The following DAB1 variants were observed in gnomAD, a reference collection of about 807,000 sequenced individuals.
The protein encoded by DAB1 is DAB adaptor protein 1, also known as disabled homolog 1.
DAB1 carries 15 observed loss-of-function variants against 64.6 expected under a neutral mutation model. That is an observed-to-expected ratio of 0.23 (90% CI 0.16 to 0.36). DAB1 has a LOEUF of 0.36. Among genes scored for constraint, DAB1 ranks in the 10% least tolerant of loss-of-function variants. The pLI, the probability that DAB1 is intolerant of heterozygous loss-of-function variation, is 1.00. For missense variants in DAB1, 596 were observed against 706.7 expected, an observed-to-expected ratio of 0.84 and a Z score of 1.78; for synonymous variants, 235 against 251.9, an observed-to-expected ratio of 0.93 and a Z score of 0.64.
chr1:58,019,197 A>G (rs1188003), intron 5 of DAB1, among the ~76,000 whole-genome samples: 66,026 of 152,028 alleles, frequency 0.43, 14,970 homozygotes, highest in East Asian at 0.64. Context: ...ATGAAGGGTG[A>G]TTCAGACTAC....
At chr1:57,301,158 G>C (rs1673616708) in intron 1 of DAB1, among the ~76,000 whole-genome samples, 2 of 152,008 alleles carry the variant, frequency 1.3e-5, no homozygotes, top group Admixed American at 1.3e-4. Context: ...TAAATCACAG[G>C]TTCTGTCAAT....
At chr1:57,432,662 T>A (rs1210893067) in intron 7 of DAB1, among the ~76,000 whole-genome samples, 1 of 152,202 alleles carries the variant, frequency 6.6e-6, no homozygotes, top group East Asian at 1.9e-4. Context: ...AGAAGCCAAC[T>A]TCCATTGTTC....
chr1:58,484,794 G>A (rs1645546385), intron 3 of DAB1, among the ~76,000 whole-genome samples: 1 of 152,084 alleles, frequency 6.6e-6, no homozygotes, highest in Non-Finnish European at 1.5e-5. Context: ...ATATTGCTAA[G>A]AGAAAAAAGC....
At chr1:58,488,316 T>C (rs1645612527) in intron 3 of DAB1, among the ~76,000 whole-genome samples, 1 of 152,176 alleles carries the variant, frequency 6.6e-6, no homozygotes, top group African/African-American at 2.4e-5. Context: ...ACCATAACTT[T>C]GTTTTATTTA....
intron 4 of DAB1, among the ~76,000 whole-genome samples, chr1:58,193,474 C>T (rs1156503560): frequency 6.6e-6 from 1 of 152,226 alleles, no homozygotes; most frequent in Admixed American, 6.5e-5. Context: ...TATTCGTCTA[C>T]TATGTGCAAC....
At position 57,651,096 on chromosome 1, in the gene DAB1, T is replaced by C. The variant is rs572736592; in HGVS notation, n.552-1431A>G. On this transcript the variant is annotated intron_variant and non_coding_transcript_variant, in intron 6 of 20. Coordinates refer to the DAB1 transcript ENST00000485760. Reference sequence around the variant, plus strand: ...AAAAGTGATGTTCCATTTGGATTCATAAAAGATACAAGAAGATGGAAAGCA... The same window carrying C: ...AAAAGTGATGTTCCATTTGGATTCACAAAAGATACAAGAAGATGGAAAGCA... 7.3e-5 allele frequency among the ~76,000 whole-genome samples: 11 copies of C among 151,280 alleles called. No homozygotes were observed. In the South Asian group the frequency reaches 1.0e-3, roughly 14 times the overall value.
rs200311292 is a variant in DAB1, at chr1:57,850,487, A to AT, written n.88-24033dup. 7.9e-4 allele frequency among the ~76,000 whole-genome samples: 120 copies of AT among 151,234 alleles called. No homozygotes were observed. In the East Asian group the frequency reaches 0.022, roughly 27 times the overall value. On this transcript the variant is annotated intron_variant and non_coding_transcript_variant, in intron 1 of 1. Coordinates refer to the DAB1 transcript ENST00000477280. ...TTTTTTTAACTGAGAAAATGAAACC[A>AT]TTTATTATATAACTTGATAGCTTAC...
rs1327461797 is a variant in DAB1 at position 58,377,660 on chromosome 1, G to A, written n.258-34257C>T. Among the ~76,000 whole-genome samples the A allele has an allele frequency of 2.9e-5, 4 of 139,496 alleles. 1 individual carries two copies. Among genetic ancestry groups the A allele is most frequent in the Non-Finnish European group, 6.3e-5 (4 of 63,142 alleles). 91.5% of individuals were successfully genotyped at this position (139,496 alleles called of 152,430 possible). Reference sequence around the variant, plus strand: ...GGTGAATCTGACAATTATGTGTCTTGGAGTTGCTCTTCTCGAAGAGTATCT... The same window carrying A: ...GGTGAATCTGACAATTATGTGTCTTAGAGTTGCTCTTCTCGAAGAGTATCT... On this transcript the variant is annotated intron_variant and non_coding_transcript_variant, in intron 3 of 20. Transcript: ENST00000485760.
chr1:58,149,587 C>T (rs571548119), intron 5 of DAB1, among the ~76,000 whole-genome samples: 5 of 152,320 alleles, frequency 3.3e-5, no homozygotes, highest in Admixed American at 6.5e-5. Flanking sequence ...CCTGAACCAT[C>T]AACCTGACAC....
At chr1:58,459,850 T>C (rs1645226036) in intron 3 of DAB1, among the ~76,000 whole-genome samples, 1 of 152,108 alleles carries the variant, frequency 6.6e-6, no homozygotes, top group East Asian at 1.9e-4. Context: ...TGATGGTGCA[T>C]GCCTGTAATC....
chr1:58,295,735 T>TA (rs1437209219), intron 4 of DAB1, among the ~76,000 whole-genome samples: 1 of 152,034 alleles, frequency 6.6e-6, no homozygotes, highest in East Asian at 1.9e-4. Flanking sequence ...TTGAATGACT[T>TA]AGAGATTAAA....
intron 3 of DAB1, among the ~76,000 whole-genome samples, chr1:58,484,108 A>G (rs1231940743): frequency 6.6e-6 from 1 of 152,170 alleles, no homozygotes. Flanking sequence ...TAATACAACA[A>G]ATATTTAGAA....
At chr1:57,844,336 T>C (rs1051305398) in intron 1 of DAB1, among the ~76,000 whole-genome samples, 1 of 152,252 alleles carries the variant, frequency 6.6e-6, no homozygotes, top group African/African-American at 2.4e-5. Context: ...AAGTATGATG[T>C]ATAGTAAACC....
At chr1:57,089,660 C>G (rs759148078) in intron 4 of DAB1, among the ~76,000 whole-genome samples, 1 of 152,192 alleles carries the variant, frequency 6.6e-6, no homozygotes, top group Non-Finnish European at 1.5e-5. Context: ...CTAAGCCATG[C>G]GGGATCCGTC....
intron 3 of DAB1, among the ~76,000 whole-genome samples, chr1:57,139,607 T>C (rs957678682): frequency 6.6e-6 from 1 of 152,088 alleles, no homozygotes; most frequent in Non-Finnish European, 1.5e-5. Context: ...CAGGACAGGG[T>C]GGGGATAGGG....
intron 6 of DAB1, among the ~76,000 whole-genome samples, chr1:57,736,446 T>C (rs1297172863): frequency 3.3e-5 from 5 of 152,186 alleles, no homozygotes; most frequent in Non-Finnish European, 7.3e-5. Context: ...TCGCAGCATA[T>C]GAGAGGAAAA....
chr1:58,060,023 CAGG>C (rs1648392266), intron 5 of DAB1: 1 of 152,268 alleles, frequency 6.6e-6, no homozygotes, highest in Non-Finnish European at 1.5e-5. Flanking sequence ...TCATGTAGTG[CAGG>C]GGAGGGCACA....
intron 6 of DAB1, among the ~76,000 whole-genome samples, chr1:57,695,396 GAAAGAAAGA>G (rs1557427941): frequency 3.9e-4 from 33 of 83,844 alleles, no homozygotes; most frequent in East Asian, 2.3e-3. Context: ...AAGAAAGAAA[GAAAGAAAGA>G]AAGAAAGAAA....
chr1:58,509,693 GA>G (rs1272322683), intron 2 of DAB1, among the ~76,000 whole-genome samples: 1 of 148,754 alleles, frequency 6.7e-6, no homozygotes, highest in African/African-American at 2.5e-5. Flanking sequence ...TAAAAAAATA[GA>G]AAAAAATTAA....
Sources: gnomAD v4.1 joint callset for allele counts (sites outside exome capture counted in the v4.1 genomes callset) on GRCh38, gnomAD v4.1.1 for gene constraint, MANE v1.5 for transcripts, NCBI Gene and HGNC (gene_info 2026-07-23, HGNC 2026-07-21) for gene names.